The following ASRGL1 variants were observed in gnomAD, a reference collection of about 807,000 sequenced individuals.
ASRGL1 encodes asparaginase and isoaspartyl peptidase 1.
Under a neutral mutation model 22.4 loss-of-function variants are expected in ASRGL1, and 16 were observed. That is an observed-to-expected ratio of 0.71 (90% CI 0.48 to 1.08). ASRGL1 has a LOEUF of 1.08. ASRGL1 is among the 50% of genes least tolerant of loss of function. The pLI is 0.00. For synonymous variants in ASRGL1, 165 were observed against 159.3 expected, an observed-to-expected ratio of 1.04 and a Z score of -0.27; for missense variants, 412 against 410.1, an observed-to-expected ratio of 1.00 and a Z score of -0.04.
At chr11:62,339,721 G>A (rs966234266) in intron 2 of ASRGL1, among the ~76,000 whole-genome samples, 2 of 152,076 alleles carry the variant, frequency 1.3e-5, no homozygotes, top group African/African-American at 4.8e-5. Flanking sequence ...TATAAGTTAG[G>A]CATAATTATT....
chr11:62,340,405 G>T (rs931359314), intron 2 of ASRGL1, among the ~76,000 whole-genome samples: 1 of 152,214 alleles, frequency 6.6e-6, no homozygotes, highest in Non-Finnish European at 1.5e-5. Flanking sequence ...CTTTCTGTGG[G>T]TGACTTGTTA....
chr11:62,340,647 A>C (rs988252677), intron 2 of ASRGL1, among the ~76,000 whole-genome samples: 1 of 152,152 alleles, frequency 6.6e-6, no homozygotes, highest in Non-Finnish European at 1.5e-5. Context: ...TCATCTTTCA[A>C]ATGTCCTCTA....
chr11:62,363,450 A>G (rs1478046503), intron 4 of ASRGL1, among the ~76,000 whole-genome samples: 1 of 152,190 alleles, frequency 6.6e-6, no homozygotes, highest in African/African-American at 2.4e-5. Context: ...TCATCTGAAG[A>G]GAGATTTGAA....
chr11:62,337,749 G>A, intron 1 of ASRGL1, 141 bp from the exon 2 acceptor site: 1 of 476,654 alleles, frequency 2.1e-6, no homozygotes. Flanking sequence ...ACCCCCAGCA[G>A]GTCCGGGCCG....
At chr11:62,379,964 G>A (rs7113399) in intron 4 of ASRGL1, among the ~76,000 whole-genome samples, 117,208 of 152,036 alleles carry the variant, frequency 0.77, 45,465 homozygotes, top group South Asian at 0.84. Context: ...GACATAAGTC[G>A]GGTGGCTCTT....
At chr11:62,398,219 G>A (rs1284878808), downstream of ASRGL1, among the ~76,000 whole-genome samples, 1 of 151,986 alleles carries the variant, frequency 6.6e-6, no homozygotes, top group Non-Finnish European at 1.5e-5. Context: ...AGGGTGACTT[G>A]GAGTGAGAAG....
At chr11:62,378,089 T>C (rs11231063) in intron 4 of ASRGL1, among the ~76,000 whole-genome samples, 6,882 of 152,294 alleles carry the variant, frequency 0.045, 555 homozygotes, top group African/African-American at 0.16. Context: ...TAAGTAGGAA[T>C]GCCTAGAGTT....
chr11:62,356,301 T>G, intron 2 of ASRGL1, 24 bp from the exon 3 acceptor site: 1 of 1,611,648 alleles, frequency 6.2e-7, no homozygotes, highest in South Asian at 1.1e-5. Flanking sequence ...TAATTCTTGC[T>G]TTTCAACTTC....
At chr11:62,355,828 CG>C (rs1216410422) in intron 2 of ASRGL1, among the ~76,000 whole-genome samples, 5 of 152,178 alleles carry the variant, frequency 3.3e-5, no homozygotes, top group Admixed American at 6.5e-5. Context: ...TGACTCTTAA[CG>C]AGCATGCTGC....
At chr11:62,364,467 T>G (rs1447311168) in intron 4 of ASRGL1, among the ~76,000 whole-genome samples, 1 of 152,042 alleles carries the variant, frequency 6.6e-6, no homozygotes. Flanking sequence ...TAGAACTACC[T>G]TATAACCCAG....
chr11:62,371,331 G>T, intron 4 of ASRGL1: 1 of 1,242,820 alleles, frequency 8.0e-7, no homozygotes, highest in Non-Finnish European at 1.1e-6. Flanking sequence ...CCCCCGGCAG[G>T]GGCAAGCGCG....
chr11:62,362,983 AT>A (rs1466657296), intron 4 of ASRGL1, among the ~76,000 whole-genome samples: 3 of 117,502 alleles, frequency 2.6e-5, no homozygotes, highest in African/African-American at 1.0e-4. Flanking sequence ...CAGTAGCACA[AT>A]CTCGGCTTAC....
At position 62,386,439 on chromosome 11, in the gene ASRGL1, T is replaced by TTATCATAGATATGTACATATCATACA. The variant is rs71053053; in HGVS notation, c.492-2673_492-2648dup. Among the ~76,000 whole-genome samples, 345 of 75,776 alleles carry TTATCATAGATATGTACATATCATACA rather than the reference T, an allele frequency of 4.6e-3. 39 individuals are homozygous for TTATCATAGATATGTACATATCATACA. Among genetic ancestry groups the TTATCATAGATATGTACATATCATACA allele is most frequent in the South Asian group, 7.6e-3 (16 of 2,096 alleles). The allele number at this position is 75,776 out of a possible 152,430, so 49.7% of individuals were successfully genotyped here. Reference sequence around the variant, plus strand: ...CTGTGCCTAATTTATCAATTAAACTTTATCATAGATATGTACATATCATAC... The same window carrying TTATCATAGATATGTACATATCATACA: ...CTGTGCCTAATTTATCAATTAAACTTTATCATAGATATGTACATATCATACATATCATAGATATGTACATATCATAC... On this transcript the variant is annotated intron_variant, in intron 4 of 6. Transcript: ENST00000415229.
intron 2 of ASRGL1, 133 bp from the exon 3 acceptor site, chr11:62,356,192 G>T: frequency 1.9e-6 from 2 of 1,040,534 alleles, no homozygotes; most frequent in Non-Finnish European, 2.8e-6. Context: ...TTCCCAGTAG[G>T]GGCAGCCGGG....
chr11:62,375,463 T>C (rs1462582838), intron 4 of ASRGL1, among the ~76,000 whole-genome samples: 12 of 87,874 alleles, frequency 1.4e-4, no homozygotes, highest in African/African-American at 5.4e-4. Flanking sequence ...TATATATATA[T>C]ATATATATAT....
chr11:62,338,919 A>G (rs2134559104), intron 2 of ASRGL1, among the ~76,000 whole-genome samples: 1 of 138,546 alleles, frequency 7.2e-6, no homozygotes. Flanking sequence ...TGGGCGACAG[A>G]GCGAGACTAT....
chr11:62,356,515 A>G (rs369244247), intron 3 of ASRGL1, 48 bp downstream of exon 3: 24 of 1,595,332 alleles, frequency 1.5e-5, no homozygotes, highest in Admixed American at 1.0e-4. Context: ...TTATTGTTAT[A>G]CTGCAGTGAT....
intron 3 of ASRGL1, 138 bp downstream of exon 3, chr11:62,356,605 T>A: frequency 4.4e-6 from 5 of 1,135,828 alleles, no homozygotes; most frequent in Non-Finnish European, 6.2e-6. Flanking sequence ...TGTATTTGAG[T>A]TTCTCAAATC....
chr11:62,372,509 A>G (rs1478031195), intron 4 of ASRGL1: 2 of 1,151,354 alleles, frequency 1.7e-6, no homozygotes, highest in African/African-American at 1.5e-5. Context: ...CGGGCACAGC[A>G]GATAGAGTAT....
Sources: allele counts gnomAD v4.1 joint callset (sites outside exome capture counted in the v4.1 genomes callset), GRCh38; gene constraint gnomAD v4.1.1; transcripts MANE v1.5; gene names NCBI Gene and HGNC (gene_info 2026-07-23, HGNC 2026-07-21).